Variants in TTC27 observed in about 807,000 individuals in gnomAD.
TTC27 encodes tetratricopeptide repeat protein 27.
Under a neutral mutation model 115.9 loss-of-function variants are expected in TTC27, and 79 were observed. The ratio of observed to expected loss-of-function variants is 0.68; its 90% CI spans 0.57 to 0.82. The LOEUF (loss-of-function observed/expected upper bound fraction) is 0.82, where lower values mean the gene tolerates loss of function less well. Among genes scored for constraint, TTC27 ranks in the 40% least tolerant of loss-of-function variants. The pLI is 0.00. For synonymous variants in TTC27, 401 were observed against 356.0 expected (o/e 1.13, Z -1.42); for missense variants, 1,054 against 993.1 (o/e 1.06, Z -0.82).
At chr2:32,636,495 G>A (rs996625476) in intron 3 of TTC27, among the ~76,000 whole-genome samples, 15 of 152,294 alleles carry the variant, frequency 9.8e-5, no homozygotes, top group African/African-American at 3.6e-4. Flanking sequence ...ATTATGGTGT[G>A]AGCCACTGCG....
chr2:32,752,046 T>C (rs1378464705), intron 12 of TTC27, among the ~76,000 whole-genome samples: 1 of 152,202 alleles, frequency 6.6e-6, no homozygotes, highest in Non-Finnish European at 1.5e-5. Flanking sequence ...AATATCTGAT[T>C]ATCACTGTGG....
At chr2:32,636,168 T>C (rs1000581911) in intron 3 of TTC27, among the ~76,000 whole-genome samples, 3 of 152,184 alleles carry the variant, frequency 2.0e-5, no homozygotes, top group Admixed American at 6.6e-5. Flanking sequence ...AAGCCATAAA[T>C]ATCTCCTGAA....
At chr2:32,704,783 T>C in intron 10 of TTC27, 1 of 450,424 alleles carries the variant, frequency 2.2e-6, no homozygotes, top group South Asian at 1.6e-5. Context: ...TTGTCTGATG[T>C]TTCCTCATGA....
chr2:32,812,075 G>C (rs1411159539), intron 17 of TTC27, among the ~76,000 whole-genome samples: 1 of 152,180 alleles, frequency 6.6e-6, no homozygotes, highest in Non-Finnish European at 1.5e-5. Flanking sequence ...AGAATTCTCT[G>C]ACCTGTGACT....
chr2:32,756,460 G>A (rs1669236275), intron 12 of TTC27, among the ~76,000 whole-genome samples: 5 of 152,176 alleles, frequency 3.3e-5, no homozygotes. Context: ...GGACTTAAAA[G>A]TATTTTTTCT....
intron 19 of TTC27, among the ~76,000 whole-genome samples, chr2:32,819,764 G>A (rs1671618737): frequency 6.6e-6 from 1 of 152,158 alleles, no homozygotes; most frequent in African/African-American, 2.4e-5. Context: ...GGCTGTTCAT[G>A]AGAGTGCTGG....
chr2:32,631,896 C>T (rs1261688089), intron 2 of TTC27, among the ~76,000 whole-genome samples: 8 of 151,354 alleles, frequency 5.3e-5, no homozygotes, highest in Admixed American at 2.6e-4. Context: ...CTGCAACCTC[C>T]GCCTCCCAAG....
At chr2:32,768,348 G>C (rs1012566484) in intron 13 of TTC27, among the ~76,000 whole-genome samples, 1 of 152,190 alleles carries the variant, frequency 6.6e-6, no homozygotes, top group Admixed American at 6.5e-5. Context: ...TTTGTTGGTT[G>C]ATAAATATGT....
chr2:32,698,793 T>C (rs748102227), intron 9 of TTC27, among the ~76,000 whole-genome samples: 6 of 152,196 alleles, frequency 3.9e-5, no homozygotes, highest in Non-Finnish European at 5.9e-5. Flanking sequence ...GAACGTGTTG[T>C]CTTAAAGAAA....
At chr2:32,745,679 A>G (rs998725472) in intron 12 of TTC27, among the ~76,000 whole-genome samples, 1 of 152,040 alleles carries the variant, frequency 6.6e-6, no homozygotes, top group Non-Finnish European at 1.5e-5. Flanking sequence ...TGAAAAAAAA[A>G]TAATAATAAA....
intron 9 of TTC27, among the ~76,000 whole-genome samples, chr2:32,702,061 C>A (rs993744842): frequency 6.6e-6 from 1 of 151,072 alleles, no homozygotes; most frequent in Non-Finnish European, 1.5e-5. Context: ...AAACTGACAC[C>A]CACATCCTGC....
intron 10 of TTC27, among the ~76,000 whole-genome samples, chr2:32,726,369 G>C (rs1464924065): frequency 5.3e-5 from 8 of 152,168 alleles, no homozygotes; most frequent in Non-Finnish European, 1.0e-4. Context: ...ATGCTTTGCT[G>C]CTTAGAAGTT....
At chr2:32,742,821 C>G (rs1023899198) in intron 12 of TTC27, among the ~76,000 whole-genome samples, 2 of 152,146 alleles carry the variant, frequency 1.3e-5, no homozygotes, top group South Asian at 2.1e-4. Context: ...TTTTTGCTCT[C>G]TGCTTCAAGG....
intron 14 of TTC27, 130 bp from the exon 15 acceptor site, chr2:32,782,496 C>T: frequency 1.7e-6 from 1 of 590,896 alleles, no homozygotes; most frequent in Non-Finnish European, 2.9e-6. Flanking sequence ...TACCTTTAAA[C>T]ACACTCTTAT....
chr2:32,647,656 T>G (rs1664918362), intron 4 of TTC27, among the ~76,000 whole-genome samples: 1 of 152,054 alleles, frequency 6.6e-6, no homozygotes, highest in East Asian at 1.9e-4. Context: ...CTTAGTCAAA[T>G]GAAGAAATTA....
At chr2:32,715,929 C>G (rs913447759) in intron 10 of TTC27, among the ~76,000 whole-genome samples, 2 of 115,474 alleles carry the variant, frequency 1.7e-5, no homozygotes, top group Non-Finnish European at 3.7e-5. Flanking sequence ...AACACCTGGA[C>G]CAGGTCCACG....
chr2:32,665,024 T>A (rs1665718061), intron 6 of TTC27, among the ~76,000 whole-genome samples: 1 of 151,758 alleles, frequency 6.6e-6, no homozygotes, highest in Admixed American at 6.6e-5. Context: ...TTTTTGTATT[T>A]TTAGTAGGGA....
Position 32,749,498 on chromosome 2 carries a change from A to G in TTC27, c.1453-8794A>G, listed in dbSNP as rs77988188. ...CTTGCTCTTCTTACCAAGATTTAGCATTTCTCTTGAATAAATGCTTCCTGT... is the reference window on the plus strand; with the variant it reads ...CTTGCTCTTCTTACCAAGATTTAGCGTTTCTCTTGAATAAATGCTTCCTGT... On this transcript the variant is annotated intron_variant, in intron 12 of 19. Coordinates refer to ENST00000317907, the MANE Select transcript of TTC27 (RefSeq NM_017735.5). Among the ~76,000 whole-genome samples the G allele has an allele frequency of 7.0e-3, 1,067 of 152,278 alleles. 11 individuals carry two copies. Among genetic ancestry groups the G allele is most frequent in the African/African-American group, 0.023 (969 of 41,544 alleles).
intron 12 of TTC27, among the ~76,000 whole-genome samples, chr2:32,748,305 A>G (rs1466989846): frequency 1.3e-5 from 2 of 152,152 alleles, no homozygotes; most frequent in Non-Finnish European, 2.9e-5. Context: ...CATACTTTCT[A>G]TGACTTCAGT....
Sources: allele counts gnomAD v4.1 joint callset (sites outside exome capture counted in the v4.1 genomes callset), GRCh38; gene constraint gnomAD v4.1.1; transcripts MANE v1.5; gene names NCBI Gene and HGNC (gene_info 2026-07-23, HGNC 2026-07-21).